DDX10: variants seen among roughly 807,000 people sequenced by gnomAD.
The protein encoded by DDX10 is probable ATP-dependent RNA helicase DDX10.
In DDX10, 74 loss-of-function variants were observed where a neutral mutation model predicts 104.3. The ratio of observed to expected loss-of-function variants is 0.71; its 90% CI spans 0.59 to 0.86. The LOEUF is 0.86. Among genes scored for constraint, DDX10 ranks in the 40% least tolerant of loss-of-function variants. DDX10 has a pLI of 0.00. For synonymous variants in DDX10, 351 were observed against 353.4 expected (o/e 0.99, Z 0.08); for missense variants, 952 against 1,040.0 (o/e 0.92, Z 1.16).
At position 108,703,455 on chromosome 11, in the gene DDX10, G is replaced by C. The variant is rs142952091; in HGVS notation, c.1224-3284G>C. On this transcript the variant is annotated intron_variant, in intron 9 of 17. Transcript: ENST00000322536. ...AACAATTCTCCTGCCTTGGCCTCTC[G>C]AGTAGCTGGGACTACAGCCGTGTGC... Among the ~76,000 whole-genome samples the C allele has an allele frequency of 5.3e-5, 8 of 151,912 alleles. No individual in the cohort carries two copies. The East Asian group carries it at 1.2e-3, about 22-fold the overall frequency.
chr11:108,679,077 T>C (rs1456062623), intron 5 of DDX10, among the ~76,000 whole-genome samples: 2 of 152,036 alleles, frequency 1.3e-5, no homozygotes, highest in African/African-American at 4.8e-5. Context: ...CAGGATGGTC[T>C]TGACCTCTTG....
rs10582729 is a variant in DDX10 at position 108,750,926 on chromosome 11, C to CTTTTTTTTTTTTTTT, written c.1965+27488_1965+27502dup. Among the ~76,000 whole-genome samples the CTTTTTTTTTTTTTTT allele has an allele frequency of 8.2e-5, 2 of 24,262 alleles. 1 individual carries two copies. The highest frequency in any genetic ancestry group is 2.0e-4 in the Non-Finnish European group (2 of 10,148). The allele number at this position is 24,262 out of a possible 152,430, so 15.9% of individuals were successfully genotyped here. ...ACATGTGCATCACCACACCTGGTTA[C>CTTTTTTTTTTTTTTT]TTTTTTTTTTTTTTTTTTTTTTTTT... On this transcript the variant is annotated intron_variant, in intron 13 of 17. Coordinates refer to ENST00000322536, the MANE Select transcript of DDX10 (RefSeq NM_004398.4).
intron 13 of DDX10, among the ~76,000 whole-genome samples, chr11:108,812,407 G>A (rs1401219105): frequency 6.6e-6 from 1 of 151,706 alleles, no homozygotes; most frequent in Non-Finnish European, 1.5e-5. Flanking sequence ...TTTTTTTAAT[G>A]GTATTATATC....
chr11:108,697,774 C>G (rs1043316721), intron 9 of DDX10, among the ~76,000 whole-genome samples: 3 of 152,058 alleles, frequency 2.0e-5, no homozygotes, highest in African/African-American at 7.2e-5. Flanking sequence ...GGTACAAAAC[C>G]AAGCTCTTCC....
intron 13 of DDX10, among the ~76,000 whole-genome samples, chr11:108,824,600 CTA>C (rs1245427281): frequency 6.6e-6 from 1 of 151,934 alleles, no homozygotes; most frequent in Non-Finnish European, 1.5e-5. Flanking sequence ...TTTTGGAAAT[CTA>C]AAAAGAGAGG....
At chr11:108,824,829 T>C (rs1862374294) in intron 13 of DDX10, among the ~76,000 whole-genome samples, 1 of 152,042 alleles carries the variant, frequency 6.6e-6, no homozygotes, top group Admixed American at 6.5e-5. Flanking sequence ...AATACATATT[T>C]CCCAGCCAGG....
intron 13 of DDX10, among the ~76,000 whole-genome samples, chr11:108,765,129 A>G (rs2094355049): frequency 6.6e-6 from 1 of 152,224 alleles, no homozygotes. Context: ...AGAGTAATCT[A>G]CAGTAACATT....
intron 16 of DDX10, among the ~76,000 whole-genome samples, chr11:108,863,765 G>C (rs1484747040): frequency 6.6e-6 from 1 of 152,096 alleles, no homozygotes; most frequent in African/African-American, 2.4e-5. Context: ...GAGGAGAACA[G>C]AAAGTGAGAG....
intron 1 of DDX10, among the ~76,000 whole-genome samples, chr11:108,667,292 G>T (rs891381905): frequency 1.3e-5 from 2 of 152,204 alleles, no homozygotes; most frequent in Non-Finnish European, 2.9e-5. Context: ...GATGGGCTTT[G>T]TCCCCTAGGC....
chr11:108,698,308 C>T (rs905665790), intron 9 of DDX10, among the ~76,000 whole-genome samples: 7 of 152,170 alleles, frequency 4.6e-5, no homozygotes, highest in Non-Finnish European at 8.8e-5. Flanking sequence ...CCAAGGCTTA[C>T]CATGTGTACC....
In DDX10 at chr11:108,733,307, T is replaced by C. The variant is rs527392633; in HGVS notation, c.1965+9845T>C. Among the ~76,000 whole-genome samples the C allele has an allele frequency of 7.2e-5, 11 of 152,248 alleles. No individual in the cohort carries two copies. The South Asian group carries it at 2.3e-3, about 32-fold the overall frequency. On this transcript the variant is annotated intron_variant, in intron 13 of 17. Transcript: ENST00000322536. Reference sequence around the variant, plus strand: ...TCTCTTCACTTTTTCTCTTTCTCTCTTTTTCCCTCCTTTCAGCAGCAGTTA... The same window carrying C: ...TCTCTTCACTTTTTCTCTTTCTCTCCTTTTCCCTCCTTTCAGCAGCAGTTA...
intron 16 of DDX10, among the ~76,000 whole-genome samples, chr11:108,877,922 A>G (rs1379830037): frequency 6.6e-6 from 1 of 152,236 alleles, no homozygotes; most frequent in Non-Finnish European, 1.5e-5. Flanking sequence ...TTATTAAGGC[A>G]CAGCTGGATG....
intron 13 of DDX10, among the ~76,000 whole-genome samples, chr11:108,783,584 G>A (rs183365396): frequency 2.0e-5 from 3 of 152,270 alleles, no homozygotes; most frequent in Admixed American, 2.0e-4. Context: ...AAGAGAGTAG[G>A]GTTCAGGAGG....
chr11:108,904,101 A>T (rs772662281), intron 16 of DDX10, among the ~76,000 whole-genome samples: 27 of 150,710 alleles, frequency 1.8e-4, no homozygotes, highest in Admixed American at 5.3e-4. Context: ...GAGAAAAAAA[A>T]TTTTTTTTAC....
At chr11:108,713,755 T>A (rs2094287638) in intron 10 of DDX10, among the ~76,000 whole-genome samples, 1 of 152,188 alleles carries the variant, frequency 6.6e-6, no homozygotes, top group Admixed American at 6.5e-5. Context: ...TAAAAAGAAT[T>A]GCTGTAAATA....
At chr11:108,698,704 C>G (rs1490307645) in intron 9 of DDX10, among the ~76,000 whole-genome samples, 3 of 152,222 alleles carry the variant, frequency 2.0e-5, no homozygotes, top group East Asian at 1.9e-4. Context: ...GCACAGTGTT[C>G]CTTCTAAAAC....
intron 17 of DDX10, among the ~76,000 whole-genome samples, chr11:108,923,522 T>C (rs1863867100): frequency 6.6e-6 from 1 of 152,242 alleles, no homozygotes. Flanking sequence ...TAACATTTCT[T>C]CCATCCATTC....
intron 13 of DDX10, among the ~76,000 whole-genome samples, chr11:108,826,766 A>G (rs1862401243): frequency 1.3e-5 from 2 of 152,170 alleles, no homozygotes; most frequent in South Asian, 4.1e-4. Context: ...TCTGGGTCCA[A>G]CCTCATTGAG....
chr11:108,882,250 T>C (rs917407419), intron 16 of DDX10, among the ~76,000 whole-genome samples: 1 of 152,224 alleles, frequency 6.6e-6, no homozygotes, highest in Non-Finnish European at 1.5e-5. Context: ...AAATGGTGTT[T>C]GTTCAAAATA....
Sources: gnomAD v4.1 joint callset for allele counts (sites outside exome capture counted in the v4.1 genomes callset) on GRCh38, gnomAD v4.1.1 for gene constraint, MANE v1.5 for transcripts, NCBI Gene and HGNC (gene_info 2026-07-23, HGNC 2026-07-21) for gene names.